OXCT1: variants seen among roughly 807,000 people sequenced by gnomAD.
OXCT1 encodes 3-oxoacid CoA-transferase 1, also known as succinyl-CoA:3-ketoacid coenzyme A transferase 1, mitochondrial.
OXCT1 carries 27 observed loss-of-function variants against 69.6 expected under a neutral mutation model. The observed-to-expected ratio is 0.39, with a 90% confidence interval of 0.29 to 0.54. The LOEUF (loss-of-function observed/expected upper bound fraction) is 0.54. OXCT1 is among the 20% of genes least tolerant of loss of function. OXCT1 has a pLI of 0.72. For synonymous variants in OXCT1, 202 were observed against 217.8 expected, an observed-to-expected ratio of 0.93 and a Z score of 0.64; for missense variants, 437 against 650.2, an observed-to-expected ratio of 0.67 and a Z score of 3.57.
intron 14 of OXCT1, among the ~76,000 whole-genome samples, chr5:41,759,809 T>C (rs1227035966): frequency 1.3e-5 from 2 of 151,872 alleles, no homozygotes; most frequent in Non-Finnish European, 2.9e-5. Flanking sequence ...CTCTATCCAC[T>C]TACAGAAAAA....
Position 41,731,683 on chromosome 5 carries a change from T to C in OXCT1, c.*46A>G, listed in dbSNP as rs1472117746. 5 of 1,577,496 alleles carry C rather than the reference T, an allele frequency of 3.2e-6. No individual in the cohort carries two copies. The South Asian group carries it at 4.6e-5, about 15-fold the overall frequency. On this transcript the variant is annotated 3_prime_UTR_variant, in exon 17 of 17. Coordinates refer to ENST00000196371, the MANE Select transcript of OXCT1 (RefSeq NM_000436.4). ...TTGATGTCCTTTCAATTAAATCTTG[T>C]GTGTTTAAAATGAAAAACACGCAGC...
intron 1 of OXCT1, among the ~76,000 whole-genome samples, chr5:41,867,192 A>G (rs1750028326): frequency 6.6e-6 from 1 of 152,234 alleles, no homozygotes; most frequent in African/African-American, 2.4e-5. Context: ...AAGGGACAGC[A>G]AAGCTTTTGA....
intron 7 of OXCT1, among the ~76,000 whole-genome samples, chr5:41,834,933 T>G (rs1281378716): frequency 1.3e-5 from 2 of 152,158 alleles, no homozygotes; most frequent in Admixed American, 1.3e-4. Context: ...CTTAAAGAAC[T>G]AGAAAAGAGC....
chr5:41,820,118 T>C (rs550769598), intron 7 of OXCT1, among the ~76,000 whole-genome samples: 1 of 152,286 alleles, frequency 6.6e-6, no homozygotes, highest in Non-Finnish European at 1.5e-5. Flanking sequence ...AATAGTGACA[T>C]TCCCATTAAA....
Position 41,762,697 on chromosome 5 carries a change from A to G in OXCT1, c.1249-497T>C, listed in dbSNP as rs888021987. On this transcript the variant is annotated intron_variant, in intron 13 of 16. Transcript: ENST00000196371. This position sits in a 1 kb window ranked among gnomAD's most constrained non-coding sequence, Gnocchi z 4.0. ...GTTTTTCTAGTAATGGCTAATATGA[A>G]AGGTGGCTCTGTCTTTCTAACACTT... is the stretch of plus-strand genomic sequence containing the variant. Among the ~76,000 whole-genome samples, 1 of 152,132 alleles carries G rather than the reference A, an allele frequency of 6.6e-6. No homozygotes were observed. The highest frequency in any genetic ancestry group is 2.4e-5 in the African/African-American group (1 of 41,444).
intron 15 of OXCT1, among the ~76,000 whole-genome samples, chr5:41,741,636 G>A (rs1579635629): frequency 6.6e-6 from 1 of 152,154 alleles, no homozygotes; most frequent in African/African-American, 2.4e-5. Context: ...GACTCCAGCT[G>A]ATTAATATTT....
At chr5:41,840,675 C>A (rs1465839303) in intron 6 of OXCT1, among the ~76,000 whole-genome samples, 164 bp from the exon 7 acceptor site, 1 of 152,098 alleles carries the variant, frequency 6.6e-6, no homozygotes, top group Non-Finnish European at 1.5e-5. Flanking sequence ...TCATAAATAT[C>A]TCATAAATTT....
At chr5:41,743,444 A>G (rs888281643) in intron 15 of OXCT1, among the ~76,000 whole-genome samples, 11 of 152,076 alleles carry the variant, frequency 7.2e-5, no homozygotes, top group Admixed American at 7.2e-4. Flanking sequence ...GTTCACTCTG[A>G]TGGTAGTTTC....
At chr5:41,733,380 G>A (rs557857077) in intron 16 of OXCT1, among the ~76,000 whole-genome samples, 48 of 152,020 alleles carry the variant, frequency 3.2e-4, no homozygotes, top group African/African-American at 1.0e-3. Flanking sequence ...CCAAGTAGCT[G>A]GGATTACAGG....
At chr5:41,771,961 C>G (rs1455540024) in intron 13 of OXCT1, among the ~76,000 whole-genome samples, 1 of 152,084 alleles carries the variant, frequency 6.6e-6, no homozygotes, top group Non-Finnish European at 1.5e-5. Context: ...TTTAAATGGT[C>G]ACAATTACTA....
intron 13 of OXCT1, among the ~76,000 whole-genome samples, chr5:41,767,735 T>C (rs1280242544): frequency 2.1e-5 from 2 of 93,914 alleles, no homozygotes; most frequent in Non-Finnish European, 4.9e-5. Context: ...TATATATATA[T>C]ATATATATAT....
At chr5:41,830,732 C>T (rs1344732209) in intron 7 of OXCT1, among the ~76,000 whole-genome samples, 2 of 152,148 alleles carry the variant, frequency 1.3e-5, no homozygotes, top group Non-Finnish European at 2.9e-5. Context: ...CTTCCTATCC[C>T]AACATTCTTT....
At chr5:41,754,555 A>G (rs1743967400) in intron 14 of OXCT1, among the ~76,000 whole-genome samples, 1 of 152,080 alleles carries the variant, frequency 6.6e-6, no homozygotes. Flanking sequence ...TGCCCACAAA[A>G]ATTAAAAAAT....
rs138155728 is a variant in OXCT1 at position 41,741,780 on chromosome 5, C to G, written c.1420-2289G>C. 8.4e-3 allele frequency among the ~76,000 whole-genome samples: 1,276 copies of G among 152,218 alleles called. 21 individuals are homozygous for G. Among genetic ancestry groups the G allele is most frequent in the African/African-American group, 0.029 (1,223 of 41,528 alleles). The stretch of plus-strand genomic sequence containing the variant: ...AAGACAAAATATTTCAGTAAACTTT[C>G]CTTTTGCTTGTACATTTTATGTTCC... On this transcript the variant is annotated intron_variant, in intron 15 of 16. Coordinates refer to ENST00000196371, the MANE Select transcript of OXCT1 (RefSeq NM_000436.4).
intron 1 of OXCT1, among the ~76,000 whole-genome samples, chr5:41,868,061 G>T (rs892311896): frequency 2.0e-5 from 3 of 152,216 alleles, no homozygotes; most frequent in Non-Finnish European, 4.4e-5. Context: ...TAGAAATTCT[G>T]GGGGTGGGTA....
At chr5:41,810,157 G>A (rs773653259) in intron 7 of OXCT1, among the ~76,000 whole-genome samples, 15 of 151,940 alleles carry the variant, frequency 9.9e-5, no homozygotes, top group Non-Finnish European at 1.5e-4. Flanking sequence ...TGCCAGTTTC[G>A]TGTGATCTTG....
intron 14 of OXCT1, among the ~76,000 whole-genome samples, chr5:41,757,150 T>G (rs1005770392): frequency 1.3e-5 from 2 of 152,108 alleles, no homozygotes; most frequent in Non-Finnish European, 2.9e-5. Flanking sequence ...AAAAAATCAC[T>G]CTGGCCACTG....
At chr5:41,834,279 C>CAA (rs1748244869) in intron 7 of OXCT1, among the ~76,000 whole-genome samples, 1 of 151,658 alleles carries the variant, frequency 6.6e-6, no homozygotes, top group Non-Finnish European at 1.5e-5. Flanking sequence ...AAACAAAAAA[C>CAA]AAAATGGCAC....
chr5:41,752,839 G>A (rs1561362937), intron 14 of OXCT1, among the ~76,000 whole-genome samples: 1 of 152,040 alleles, frequency 6.6e-6, no homozygotes, highest in African/African-American at 2.4e-5. Context: ...ACAACCTTTG[G>A]TGAACATCTA....
Sources: allele counts gnomAD v4.1 joint callset (sites outside exome capture counted in the v4.1 genomes callset), GRCh38; gene constraint gnomAD v4.1.1; non-coding constraint Gnocchi (gnomAD v3.1); transcripts MANE v1.5; gene names NCBI Gene and HGNC (gene_info 2026-07-23, HGNC 2026-07-21).